The following PLAA variants were observed in gnomAD, a reference collection of about 807,000 sequenced individuals.
PLAA encodes the protein phospholipase A2 activating protein.
PLAA carries 48 observed loss-of-function variants against 84.1 expected under a neutral mutation model. The observed-to-expected ratio is 0.57, with a 90% confidence interval of 0.45 to 0.73. The LOEUF is 0.73. Among genes scored for constraint, PLAA ranks in the 30% least tolerant of loss-of-function variants. PLAA has a pLI of 0.00. For synonymous variants in PLAA, 392 were observed against 336.6 expected, an observed-to-expected ratio of 1.16 and a Z score of -1.80; for missense variants, 903 against 954.7, an observed-to-expected ratio of 0.95 and a Z score of 0.71.
intron 4 of PLAA, 94 bp from the exon 5 acceptor site, chr9:26,926,654 T>C: frequency 1.2e-6 from 1 of 805,464 alleles, no homozygotes; most frequent in Admixed American, 3.0e-5. Flanking sequence ...TATCAGTGAG[T>C]AGTAAAAATT....
intron 1 of PLAA, 62 bp downstream of exon 1, chr9:26,946,835 T>G (rs994489839): frequency 6.7e-7 from 1 of 1,489,708 alleles, no homozygotes; most frequent in Non-Finnish European, 9.0e-7. Flanking sequence ...GAAGGGTCAC[T>G]CTCCTTCCAC....
intron 12 of PLAA, 117 bp from the exon 13 acceptor site, chr9:26,908,115 ACT>A: frequency 3.0e-6 from 2 of 656,696 alleles, no homozygotes; most frequent in South Asian, 4.9e-5. Context: ...TTAAGACTTT[ACT>A]CAGCAATTAT....
chr9:26,937,055 C>T (rs1453557564), intron 1 of PLAA, among the ~76,000 whole-genome samples: 2 of 151,956 alleles, frequency 1.3e-5, no homozygotes, highest in Non-Finnish European at 2.9e-5. Context: ...GCAAGAGAAT[C>T]GCTTGAACCC....
At chr9:26,906,972 A>AC (rs1824257559) in intron 13 of PLAA, among the ~76,000 whole-genome samples, 1 of 151,544 alleles carries the variant, frequency 6.6e-6, no homozygotes, top group South Asian at 2.1e-4. Context: ...TAATTTTGCC[A>AC]CTAGCAATAA....
chr9:26,928,051 A>G (rs1380546179), intron 4 of PLAA, 49 bp downstream of exon 4: 2 of 1,552,140 alleles, frequency 1.3e-6, no homozygotes, highest in Non-Finnish European at 1.7e-6. Context: ...AAAAAATCTG[A>G]GCAAATAAAA....
At chr9:26,910,521 C>G in intron 11 of PLAA, 82 bp from the exon 12 acceptor site, 1 of 1,039,640 alleles carries the variant, frequency 9.6e-7, no homozygotes, top group Non-Finnish European at 1.5e-6. Flanking sequence ...TTAGTTTTCA[C>G]AATTATTGAG....
At chr9:26,923,041 A>C (rs1286963366) in intron 7 of PLAA, 137 bp downstream of exon 7, 2 of 610,560 alleles carry the variant, frequency 3.3e-6, no homozygotes, top group African/African-American at 3.7e-5. Flanking sequence ...CATAGTGATT[A>C]TATGTAATAG....
chr9:26,940,209 T>A (rs964863148), intron 1 of PLAA, among the ~76,000 whole-genome samples: 6 of 152,264 alleles, frequency 3.9e-5, no homozygotes, highest in Non-Finnish European at 8.8e-5. Context: ...TGTATAACCA[T>A]ATTCATAGTA....
intron 11 of PLAA, among the ~76,000 whole-genome samples, chr9:26,911,927 TTA>T (rs1308650237): frequency 6.6e-6 from 1 of 152,188 alleles, no homozygotes; most frequent in Non-Finnish European, 1.5e-5. Flanking sequence ...AATTAATTGT[TTA>T]TAAACAATAA....
At chr9:26,913,364 GT>G (rs1329624172) in intron 11 of PLAA, among the ~76,000 whole-genome samples, 1 of 152,104 alleles carries the variant, frequency 6.6e-6, no homozygotes, top group African/African-American at 2.4e-5. Flanking sequence ...AAAAAAATTA[GT>G]TGCTCAGAAG....
intron 2 of PLAA, among the ~76,000 whole-genome samples, chr9:26,934,238 G>A (rs1407293286): frequency 6.6e-6 from 1 of 152,096 alleles, no homozygotes; most frequent in Non-Finnish European, 1.5e-5. Flanking sequence ...GAACTGTTAA[G>A]CCACACAGAA....
intron 1 of PLAA, among the ~76,000 whole-genome samples, chr9:26,945,861 C>A (rs889854115): frequency 5.9e-5 from 9 of 152,226 alleles, no homozygotes; most frequent in African/African-American, 1.9e-4. Flanking sequence ...CAACTTTAAA[C>A]AAACAACTCC....
At position 26,923,351 on chromosome 9, in the gene PLAA, TA is replaced by T; in HGVS notation, c.870-5del. ...AAACACTCTAATAATGCCATCACTGTAAGGAAAAATAAACTGATTTTAGAAG... is the reference window on the plus strand; with the variant it reads ...AAACACTCTAATAATGCCATCACTGTAGGAAAAATAAACTGATTTTAGAAG... On this transcript the variant is annotated splice_polypyrimidine_tract_variant and splice_region_variant and intron_variant, in intron 6 of 13. Transcript: ENST00000397292. 2 of 1,588,464 alleles carry T rather than the reference TA, an allele frequency of 1.3e-6. No individual in the cohort carries two copies. Among genetic ancestry groups the T allele is most frequent in the Non-Finnish European group, 1.7e-6 (2 of 1,162,488 alleles).
At chr9:26,933,527 G>A (rs993823514) in intron 2 of PLAA, among the ~76,000 whole-genome samples, 3 of 151,664 alleles carry the variant, frequency 2.0e-5, no homozygotes, top group Non-Finnish European at 2.9e-5. Flanking sequence ...AGTGGCTCAC[G>A]CCTGTAATCC....
chr9:26,906,170 C>G (rs1824231092), intron 13 of PLAA, 94 bp from the exon 14 acceptor site: 3 of 714,080 alleles, frequency 4.2e-6, no homozygotes, highest in East Asian at 6.1e-5. Context: ...CACTGCAAAA[C>G]TAACCATTTT....
At chr9:26,932,027 C>G (rs1377780484) in intron 2 of PLAA, among the ~76,000 whole-genome samples, 1 of 152,190 alleles carries the variant, frequency 6.6e-6, no homozygotes, top group East Asian at 1.9e-4. Context: ...GCAGAGGTTA[C>G]AGTGAGCTGA....
At chr9:26,942,750 C>A (rs967779892) in intron 1 of PLAA, among the ~76,000 whole-genome samples, 2 of 151,844 alleles carry the variant, frequency 1.3e-5, no homozygotes, top group Non-Finnish European at 2.9e-5. Flanking sequence ...GGCGCCGTGG[C>A]GGGCGCCTAA....
intron 1 of PLAA, among the ~76,000 whole-genome samples, chr9:26,945,510 C>G (rs886363050): frequency 2.6e-5 from 4 of 152,192 alleles, no homozygotes; most frequent in Admixed American, 2.0e-4. Flanking sequence ...TTGCTCTATA[C>G]TATCCCTAGC....
intron 11 of PLAA, among the ~76,000 whole-genome samples, chr9:26,912,625 T>G (rs1824432507): frequency 6.6e-6 from 1 of 152,190 alleles, no homozygotes; most frequent in African/African-American, 2.4e-5. Context: ...ACTGTTAACC[T>G]TTGTTAACAA....
Sources: allele counts gnomAD v4.1 joint callset (sites outside exome capture counted in the v4.1 genomes callset), GRCh38; gene constraint gnomAD v4.1.1; transcripts MANE v1.5; gene names NCBI Gene and HGNC (gene_info 2026-07-23, HGNC 2026-07-21).